MELK: variants seen among roughly 807,000 people sequenced by gnomAD.
MELK encodes maternal embryonic leucine zipper kinase.
A neutral mutation model predicts 85.0 loss-of-function variants in MELK; 81 were observed. That is an observed-to-expected ratio of 0.95 (90% CI 0.80 to 1.15). The LOEUF is 1.15. MELK is among the 50% of genes most tolerant of loss of function. The probability of loss-of-function intolerance (pLI) is 0.00; values close to 1 mark genes in which losing one functional copy is unlikely to be tolerated. For synonymous variants in MELK, 252 were observed against 265.0 expected (o/e 0.95, Z 0.48); for missense variants, 754 against 777.5 (o/e 0.97, Z 0.36).
At chr9:36,600,426 C>G (rs903588482) in intron 7 of MELK, among the ~76,000 whole-genome samples, 3 of 152,110 alleles carry the variant, frequency 2.0e-5, no homozygotes, top group African/African-American at 7.2e-5. Flanking sequence ...CTCTGTTGCC[C>G]AGGCTGGAGT....
intron 7 of MELK, among the ~76,000 whole-genome samples, chr9:36,600,528 C>T (rs1274818577): frequency 1.3e-5 from 2 of 152,232 alleles, no homozygotes; most frequent in Non-Finnish European, 2.9e-5. Context: ...GGACTACACG[C>T]GTCCGCCACC....
At chr9:36,617,777 A>G (rs1438941254) in intron 8 of MELK, among the ~76,000 whole-genome samples, 1 of 152,010 alleles carries the variant, frequency 6.6e-6, no homozygotes, top group Non-Finnish European at 1.5e-5. Context: ...GACTTTAAAC[A>G]TCATAAAAAA....
chr9:36,615,156 C>T (rs1393312768), intron 8 of MELK, among the ~76,000 whole-genome samples: 8 of 139,034 alleles, frequency 5.8e-5, no homozygotes, highest in South Asian at 2.4e-4. Context: ...CGGGCAGAGG[C>T]GCCCCTCACC....
chr9:36,633,046 G>T (rs756637702), intron 9 of MELK, 56 bp from the exon 10 acceptor site: 2 of 1,242,724 alleles, frequency 1.6e-6, no homozygotes, highest in Non-Finnish European at 2.3e-6. Context: ...GAGGAAAGGT[G>T]TTCTATGTTC....
intron 11 of MELK, among the ~76,000 whole-genome samples, chr9:36,649,970 A>C (rs939483996): frequency 6.6e-6 from 1 of 151,670 alleles, no homozygotes; most frequent in Non-Finnish European, 1.5e-5. Flanking sequence ...TTGAGACAGA[A>C]TCTCGCTCTG....
intron 1 of MELK, among the ~76,000 whole-genome samples, chr9:36,581,123 T>C (rs1047809468): frequency 3.3e-5 from 5 of 152,214 alleles, no homozygotes; most frequent in African/African-American, 1.2e-4. Context: ...TCCACTATTA[T>C]ATTTGTTGCA....
chr9:36,611,664 T>C (rs1010682829), intron 8 of MELK, among the ~76,000 whole-genome samples: 1 of 152,122 alleles, frequency 6.6e-6, no homozygotes, highest in East Asian at 1.9e-4. Context: ...TCTGTAAAAA[T>C]GGATGAAATA....
chr9:36,608,412 C>G (rs1257497468), intron 8 of MELK, among the ~76,000 whole-genome samples: 1 of 140,518 alleles, frequency 7.1e-6, no homozygotes, highest in East Asian at 2.6e-4. Context: ...CTTTATCAAA[C>G]TTGTGTATAT....
intron 7 of MELK, among the ~76,000 whole-genome samples, chr9:36,604,186 C>G (rs1189026522): frequency 6.8e-6 from 1 of 147,456 alleles, no homozygotes; most frequent in Non-Finnish European, 1.5e-5. Context: ...TCAGGCTGGT[C>G]TTGAACTCCC....
intron 9 of MELK, 104 bp downstream of exon 9, chr9:36,630,471 C>G: frequency 1.1e-6 from 1 of 889,234 alleles, no homozygotes; most frequent in Non-Finnish European, 1.8e-6. Flanking sequence ...AAAAAAATCC[C>G]ACTCATATCT....
chr9:36,630,461 A>G, intron 9 of MELK, 94 bp downstream of exon 9: 1 of 999,822 alleles, frequency 1.0e-6, no homozygotes, highest in Non-Finnish European at 1.5e-6. Flanking sequence ...TATTAGCTTG[A>G]AAAAAATCCC....
At chr9:36,576,650 G>A (rs1051433835) in intron 1 of MELK, among the ~76,000 whole-genome samples, 3 of 152,054 alleles carry the variant, frequency 2.0e-5, no homozygotes, top group African/African-American at 7.2e-5. Context: ...TCCTTCCTCA[G>A]CCTCCCTAGC....
At chr9:36,652,399 CT>C (rs911816828) in intron 12 of MELK, among the ~76,000 whole-genome samples, 1 of 151,114 alleles carries the variant, frequency 6.6e-6, no homozygotes, top group East Asian at 2.0e-4. Context: ...CCCCTGACTC[CT>C]TTTTTTTCAT....
intron 8 of MELK, among the ~76,000 whole-genome samples, chr9:36,615,272 C>T (rs1405635354): frequency 3.3e-5 from 4 of 120,888 alleles, no homozygotes; most frequent in Admixed American, 7.5e-5. Context: ...CCCTCCCAGA[C>T]GGCACGGCTG....
intron 4 of MELK, among the ~76,000 whole-genome samples, chr9:36,591,374 A>C (rs1335966586): frequency 1.3e-5 from 2 of 152,096 alleles, no homozygotes; most frequent in Non-Finnish European, 2.9e-5. Context: ...GGAGTTCAAG[A>C]CTAGCCTGGG....
At chr9:36,619,560 G>C (rs147729493) in intron 8 of MELK, among the ~76,000 whole-genome samples, 433 of 152,182 alleles carry the variant, frequency 2.8e-3, no homozygotes, top group Middle Eastern at 0.017. Context: ...ACCATAAAAA[G>C]TCTCAATAAA....
At chr9:36,612,565 A>T (rs1744193719) in intron 8 of MELK, among the ~76,000 whole-genome samples, 1 of 152,128 alleles carries the variant, frequency 6.6e-6, no homozygotes, top group African/African-American at 2.4e-5. Flanking sequence ...TTGTATGTTT[A>T]GTAGAGATGA....
At chr9:36,583,828 A>G (rs1822525150) in intron 3 of MELK, 116 bp downstream of exon 3, 2 of 707,964 alleles carry the variant, frequency 2.8e-6, no homozygotes, top group Non-Finnish European at 4.5e-6. Context: ...TATACCTTTT[A>G]AAAAACGTAT....
chr9:36,624,123 G>A (rs1445999417), intron 8 of MELK, among the ~76,000 whole-genome samples: 3 of 141,010 alleles, frequency 2.1e-5, no homozygotes, highest in Non-Finnish European at 4.5e-5. Context: ...TCGCTCTGTC[G>A]CCCAGGCTGG....
Sources: gnomAD v4.1 joint callset for allele counts (sites outside exome capture counted in the v4.1 genomes callset) on GRCh38, gnomAD v4.1.1 for gene constraint, MANE v1.5 for transcripts, NCBI Gene and HGNC (gene_info 2026-07-23, HGNC 2026-07-21) for gene names.